Variants in GLUD1 observed in about 807,000 individuals in gnomAD.
The protein encoded by GLUD1 is glutamate dehydrogenase 1.
GLUD1 carries 22 observed loss-of-function variants against 56.0 expected under a neutral mutation model. That is an observed-to-expected ratio of 0.39 (90% confidence interval 0.28 to 0.56). GLUD1 has a LOEUF of 0.56. GLUD1 is among the 20% of genes least tolerant of loss of function. The pLI, the probability that GLUD1 is intolerant of heterozygous loss-of-function variation, is 0.58. For synonymous variants in GLUD1, 223 were observed against 269.9 expected, an observed-to-expected ratio of 0.83 and a Z score of 1.70; for missense variants, 451 against 732.0, an observed-to-expected ratio of 0.62 and a Z score of 4.43.
At chr10:87,058,870 G>A (rs964567772) in intron 10 of GLUD1, among the ~76,000 whole-genome samples, 1 of 151,918 alleles carries the variant, frequency 6.6e-6, no homozygotes, top group Non-Finnish European at 1.5e-5. Flanking sequence ...CAGCCTCGGC[G>A]ACGGAGCGAG....
At chr10:87,067,963 G>A (rs1846121206) in intron 5 of GLUD1, 100 bp downstream of exon 5, 1 of 740,214 alleles carries the variant, frequency 1.4e-6, no homozygotes, top group Non-Finnish European at 2.4e-6. Flanking sequence ...TTGAATGAGA[G>A]AAAAACCCAG....
At position 87,088,091 on chromosome 10, in the gene GLUD1, AC is replaced by A. The variant is rs1451877017; in HGVS notation, c.445+6233del. 4.6e-5 allele frequency among the ~76,000 whole-genome samples: 7 copies of A among 150,630 alleles called. No homozygotes were observed. The South Asian group carries it at 1.2e-3, about 27-fold the overall frequency. ...AGCAAAACTCTGTTTCAAAAAAAAA[AC>A]AAACAAAAAAACAAATAAACAAACA... On this transcript the variant is annotated intron_variant, in intron 1 of 12. Coordinates refer to ENST00000277865, the MANE Select transcript of GLUD1 (RefSeq NM_005271.5).
Position 87,050,827 on chromosome 10 carries a change from G to A in GLUD1, c.*924C>T, listed in dbSNP as rs1443086524. The A allele has an allele frequency of 6.6e-6, 1 of 152,104 alleles. No homozygotes were observed. The highest frequency in any genetic ancestry group is 1.5e-5 in the Non-Finnish European group (1 of 68,012). 9.4% of individuals were successfully genotyped at this position (152,104 alleles called of 1,614,324 possible). A position where few individuals can be genotyped will look rare whatever the true frequency, so the allele number is the denominator to read the frequency against. On this transcript the variant is annotated 3_prime_UTR_variant, in exon 13 of 13. Transcript: ENST00000277865. ...CAGACTCCAAACAGGGAGCCCAAGT[G>A]GTTTTTTTCTGGGACACTCTACTTG...
intron 5 of GLUD1, among the ~76,000 whole-genome samples, chr10:87,066,794 A>AT (rs1439446595): frequency 6.6e-6 from 1 of 152,128 alleles, no homozygotes; most frequent in Non-Finnish European, 1.5e-5. Context: ...GCATAAATGT[A>AT]TTTTTTGACT....
intron 5 of GLUD1, among the ~76,000 whole-genome samples, chr10:87,063,925 C>G (rs757147080): frequency 2.6e-5 from 4 of 151,854 alleles, no homozygotes; most frequent in Non-Finnish European, 4.4e-5. Flanking sequence ...GTCACCCAGG[C>G]TGGAGTGCAG....
chr10:87,060,310 G>C (rs186024076), intron 8 of GLUD1, 69 bp from the exon 9 acceptor site: 1 of 997,754 alleles, frequency 1.0e-6, no homozygotes, highest in African/African-American at 1.6e-5. Flanking sequence ...GAGGGCAAGA[G>C]ATGTGCATAT....
Position 87,094,027 on chromosome 10 carries a change from G to A in GLUD1, c.445+298C>T. ...GGCAGGACCCGCCGTGTGTGACACA[G>A]ACACCGGGACCAAAAGGAGACCGGT... On this transcript the variant is annotated intron_variant, in intron 1 of 12. Transcript: ENST00000277865. This position sits in a 1 kb window ranked among gnomAD's most constrained non-coding sequence, Gnocchi z 6.6. 1 of 1,486,550 alleles carries A rather than the reference G, an allele frequency of 6.7e-7. No individual in the cohort carries two copies. The highest frequency in any genetic ancestry group is 2.0e-5 in the Admixed American group (1 of 49,354). 92.1% of individuals were successfully genotyped at this position (1,486,550 alleles called of 1,614,324 possible).
intron 3 of GLUD1, among the ~76,000 whole-genome samples, chr10:87,075,253 C>T (rs1305827441): frequency 6.6e-6 from 1 of 152,156 alleles, no homozygotes; most frequent in Admixed American, 6.5e-5. Context: ...GTGTGCACCA[C>T]TATGCCTGGC....
intron 12 of GLUD1, among the ~76,000 whole-genome samples, 173 bp from the exon 13 acceptor site, chr10:87,052,043 A>G (rs1350492809): frequency 1.3e-5 from 2 of 152,220 alleles, no homozygotes; most frequent in African/African-American, 4.8e-5. Context: ...AGGAGGGCCT[A>G]ATTCTCTGGA....
At chr10:87,083,648 T>TTA (rs1841316222) in intron 1 of GLUD1, among the ~76,000 whole-genome samples, 1 of 152,198 alleles carries the variant, frequency 6.6e-6, no homozygotes, top group African/African-American at 2.4e-5. Context: ...AAGAGATGTT[T>TTA]TATTCCAGAA....
intron 6 of GLUD1, among the ~76,000 whole-genome samples, chr10:87,061,475 AC>A (rs1845928175): frequency 6.6e-6 from 1 of 151,982 alleles, no homozygotes; most frequent in African/African-American, 2.4e-5. Flanking sequence ...CCGAGACTGC[AC>A]TCCAGCCTGG....
chr10:87,057,969 C>T (rs1276474649), intron 10 of GLUD1, among the ~76,000 whole-genome samples, 187 bp from the exon 11 acceptor site: 1 of 152,086 alleles, frequency 6.6e-6, no homozygotes, highest in Admixed American at 6.5e-5. Context: ...CCCGGGTTCA[C>T]GCCATTCTCC....
chr10:87,071,697 C>T (rs1157885504), intron 4 of GLUD1, among the ~76,000 whole-genome samples: 3 of 152,136 alleles, frequency 2.0e-5, no homozygotes, highest in Non-Finnish European at 4.4e-5. Context: ...TGAACATTGA[C>T]CTTTCAAAAG....
chr10:87,057,655 A>T, intron 11 of GLUD1, 36 bp downstream of exon 11: 1 of 993,594 alleles, frequency 1.0e-6, no homozygotes, highest in Non-Finnish European at 1.6e-6. Context: ...AGCAGGGAGC[A>T]TGTGTGAAGT....
chr10:87,092,368 T>G (rs933590110), intron 1 of GLUD1, among the ~76,000 whole-genome samples: 8 of 152,240 alleles, frequency 5.3e-5, no homozygotes, highest in African/African-American at 1.7e-4. Flanking sequence ...TGCAACAGTT[T>G]ACTAGTAACA....
chr10:87,070,594 T>C (rs1456016247), intron 4 of GLUD1, among the ~76,000 whole-genome samples: 1 of 151,880 alleles, frequency 6.6e-6, no homozygotes, highest in Non-Finnish European at 1.5e-5. Context: ...CGAGACTCTG[T>C]CTCAAAATCA....
Position 87,060,709 on chromosome 10 carries a change from G to C in GLUD1, c.1176C>G (p.Asn392Lys). ...AASEKQLTKS[N>K]APRVKAKIIA... ...TCACCTTGGCTTTGACTCTGGGTGC[G>C]TTGGATTTGGTCAACTGCTTCTCAC... Residue 392 changes from asparagine (N) to lysine (K), a missense_variant, in exon 8 of 13, where the codon AAC becomes AAG. Transcript: ENST00000277865. 8 of 1,614,066 alleles carry C rather than the reference G, an allele frequency of 5.0e-6. No individual in the cohort carries two copies. The highest frequency in any genetic ancestry group is 6.8e-6 in the Non-Finnish European group (8 of 1,180,014).
chr10:87,068,110 C>T lies in GLUD1; in HGVS notation c.694G>A (p.Glu232Lys). Residue 232 changes from glutamate (E) to lysine (K), a missense_variant, in exon 5 of 13, where the codon GAG becomes AAG. By Grantham distance (56) the Glu-to-Lys change is moderately conservative. Around this residue, in one of 4 missense-constraint regions of GLUD1, gnomAD observed 248 missense variants for 460.0 expected, o/e 0.54. Transcript: ENST00000277865. ...TAGGTATCAGCGATCCAGGACATCT[C>T]CCGCTCACCTGTGCTCATGTCTGGA... ...PAPDMSTGER[E>K]MSWIADTYAS... is the part of the protein sequence containing the mutation. The T allele has an allele frequency of 1.2e-6, 2 of 1,613,694 alleles. No individual in the cohort carries two copies. The highest frequency in any genetic ancestry group is 1.7e-6 in the Non-Finnish European group (2 of 1,179,606).
chr10:87,073,524 A>C (rs1230019015), intron 4 of GLUD1, among the ~76,000 whole-genome samples: 1 of 143,404 alleles, frequency 7.0e-6, no homozygotes, highest in East Asian at 2.1e-4. Flanking sequence ...AATACACTTT[A>C]TTTTCTATTT....
Sources: allele counts gnomAD v4.1 joint callset (sites outside exome capture counted in the v4.1 genomes callset), GRCh38; gene constraint gnomAD v4.1.1; regional missense constraint gnomAD v4.1.1; non-coding constraint Gnocchi (gnomAD v3.1); transcripts MANE v1.5; gene names NCBI Gene and HGNC (gene_info 2026-07-23, HGNC 2026-07-21).